ZNF655: variants seen among roughly 807,000 people sequenced by gnomAD.
The protein encoded by ZNF655 is zinc finger protein 655.
A neutral mutation model predicts 6.6 loss-of-function variants in ZNF655; 3 were observed. The ratio of observed to expected loss-of-function variants is 0.46; its 90% CI spans 0.21 to 1.18. The LOEUF (loss-of-function observed/expected upper bound fraction) is 1.18. Ranked by LOEUF, ZNF655 falls within the 50% of genes most tolerant of loss-of-function variation. ZNF655 has a pLI of 0.24. For missense variants in ZNF655, 526 were observed against 572.3 expected, an observed-to-expected ratio of 0.92 and a Z score of 0.83; for synonymous variants, 178 against 195.0, an observed-to-expected ratio of 0.91 and a Z score of 0.73.
rs556227812 is a variant in ZNF655 at position 99,563,875 on chromosome 7, G to A, written c.136+3180G>A. On this transcript the variant is annotated intron_variant, in intron 2 of 2. Coordinates refer to ENST00000252713, the MANE Select transcript of ZNF655 (RefSeq NM_138494.3). Reference sequence around the variant, plus strand: ...TTAATCTTTGTAGGCATACTTCTCCGCCTTCCCACCACCCGGATTCATAGT... The same window carrying A: ...TTAATCTTTGTAGGCATACTTCTCCACCTTCCCACCACCCGGATTCATAGT... The A allele has an allele frequency of 6.3e-6, 10 of 1,596,134 alleles. No homozygotes were observed. The East Asian group carries it at 6.7e-5, about 11-fold the overall frequency.
At chr7:99,562,127 A>C in intron 2 of ZNF655, 2 of 788,008 alleles carry the variant, frequency 2.5e-6, no homozygotes, top group Non-Finnish European at 3.9e-6. Context: ...TGGACTTCAC[A>C]TAAACCAACT....
rs1239411933 is a variant in ZNF655, at chr7:99,576,314, C to T, written c.*2730C>T. On this transcript the variant is annotated 3_prime_UTR_variant, in exon 3 of 3. Coordinates refer to ENST00000252713, the MANE Select transcript of ZNF655 (RefSeq NM_138494.3). ...CATGTATACCCTTATGTATAGAGACCAGTAGTCACGTATGGTGACTGAAAC... is the reference window on the plus strand; with the variant it reads ...CATGTATACCCTTATGTATAGAGACTAGTAGTCACGTATGGTGACTGAAAC... 6.6e-6 allele frequency: 1 copy of T among 152,576 alleles called. No homozygotes were observed. The highest frequency in any genetic ancestry group is 1.5e-5 in the Non-Finnish European group (1 of 68,034). The allele number at this position is 152,576 out of a possible 1,614,324, so 9.5% of individuals were successfully genotyped here.
At position 99,575,530 on chromosome 7, in the gene ZNF655, C is replaced by CT. The variant is rs1351438226; in HGVS notation, c.*1947dup. On this transcript the variant is annotated 3_prime_UTR_variant, in exon 3 of 3. Transcript: ENST00000252713. ...CCAGCCTGGGCGACAGAGCAGGACT[C>CT]TCTCTCAAAAAAACACAAAAAAACA... 1 of 151,858 alleles carries CT rather than the reference C, an allele frequency of 6.6e-6. No homozygotes were observed. The highest frequency in any genetic ancestry group is 1.5e-5 in the Non-Finnish European group (1 of 68,118). 9.4% of individuals were successfully genotyped at this position (151,858 alleles called of 1,614,324 possible). A position where few individuals can be genotyped will look rare whatever the true frequency, so the allele number is the denominator to read the frequency against.
chr7:99,564,664 C>T (rs1242351299), intron 2 of ZNF655: 2 of 984,478 alleles, frequency 2.0e-6, no homozygotes, highest in Non-Finnish European at 2.4e-6. Context: ...TTGTAAAGTA[C>T]TGTTAATTTT....
intron 2 of ZNF655, among the ~76,000 whole-genome samples, chr7:99,567,438 C>T (rs1302800738): frequency 6.6e-6 from 1 of 151,144 alleles, no homozygotes; most frequent in African/African-American, 2.4e-5. Context: ...GAGGCTGAGG[C>T]AGGAGAATCA....
In ZNF655 at chr7:99,573,318, G is replaced by C; in HGVS notation, c.1210G>C (p.Gly404Arg). 6.2e-7 allele frequency: 1 copy of C among 1,614,142 alleles called. No individual in the cohort carries two copies. The highest frequency in any genetic ancestry group is 8.5e-7 in the Non-Finnish European group (1 of 1,180,010). The change falls in exon 3 of 3, where the codon GGA becomes CGA. Residue 404 changes from glycine to arginine, a missense_variant. Gly to Arg is a moderately radical substitution (Grantham distance 125). Transcript: ENST00000252713. The part of the protein sequence containing the change: ...HLIQHQRIHT[G>R]EKAHECNECG... ...TATTCAGCATCAAAGAATTCACACA[G>C]GAGAGAAAGCACATGAATGTAATGA...
Position 99,576,084 on chromosome 7 carries a change from C to G in ZNF655, c.*2500C>G, listed in dbSNP as rs1421047629. ...TATAATATTCAGTAGGGACCCTCAA[C>G]AAATATATAAAAATATGTTGCTCAC... On this transcript the variant is annotated 3_prime_UTR_variant, in exon 3 of 3. Transcript: ENST00000252713. The G allele has an allele frequency of 3.9e-5, 6 of 152,180 alleles. No homozygotes were observed. Among genetic ancestry groups the G allele is most frequent in the South Asian group, 2.1e-4 (1 of 4,834 alleles). 9.4% of individuals were successfully genotyped at this position (152,180 alleles called of 1,614,324 possible).
chr7:99,562,462 T>A (rs1403774796), intron 2 of ZNF655: 14 of 1,613,858 alleles, frequency 8.7e-6, no homozygotes, highest in African/African-American at 1.3e-5. Context: ...AGAGAAGTGA[T>A]GTTAGAGAAT....
chr7:99,568,343 C>G (rs1013306363), intron 2 of ZNF655, among the ~76,000 whole-genome samples: 2 of 149,818 alleles, frequency 1.3e-5, no homozygotes, highest in South Asian at 2.1e-4. Context: ...CTCTGCCTCC[C>G]GGGTTCAAGC....
intron 2 of ZNF655, chr7:99,561,891 C>T: frequency 1.3e-6 from 2 of 1,548,310 alleles, no homozygotes; most frequent in Non-Finnish European, 1.7e-6. Flanking sequence ...CCCTCAGCTC[C>T]ACCTGTTCCT....
chr7:99,560,097 T>C (rs1214995105), intron 1 of ZNF655, among the ~76,000 whole-genome samples: 1 of 151,224 alleles, frequency 6.6e-6, no homozygotes, highest in Non-Finnish European at 1.5e-5. Context: ...TCTTTTTTTT[T>C]TTTTTGGGAC....
chr7:99,570,121 G>T (rs1299787736), intron 2 of ZNF655: 1 of 152,016 alleles, frequency 6.6e-6, no homozygotes, highest in East Asian at 1.9e-4. Flanking sequence ...TTTTTGTTGT[G>T]CATATGTGTT....
At position 99,572,473 on chromosome 7, in the gene ZNF655, C is replaced by T; in HGVS notation, c.365C>T (p.Thr122Ile). 1 of 1,613,858 alleles carries T rather than the reference C, an allele frequency of 6.2e-7. No individual in the cohort carries two copies. The highest frequency in any genetic ancestry group is 8.5e-7 in the Non-Finnish European group (1 of 1,179,924). The change falls in exon 3 of 3, where the codon ACC becomes ATC. Residue 122 changes from threonine (T) to isoleucine (I), a missense_variant. Coordinates refer to ENST00000252713, the MANE Select transcript of ZNF655 (RefSeq NM_138494.3). ...AGGCAAATAACAATCAGCAAGGAAACCTTCACCAGTGAGAAGAACAATGAA... is the reference window on the plus strand; with the variant it reads ...AGGCAAATAACAATCAGCAAGGAAATCTTCACCAGTGAGAAGAACAATGAA... ...EFRQITISKE[T>I]FTSEKNNECH...
At chr7:99,562,531 ATTTCTTTACTTTCTTG>A in intron 2 of ZNF655, 1 of 1,594,702 alleles carries the variant, frequency 6.3e-7, no homozygotes, top group Non-Finnish European at 8.5e-7. Flanking sequence ...ATCTATTTGA[ATTTCTTTACTTTCTTG>A]TTTCTTCCTA....
chr7:99,563,817 A>G, intron 2 of ZNF655: 1 of 1,573,958 alleles, frequency 6.4e-7, no homozygotes, highest in Non-Finnish European at 8.5e-7. Context: ...GCCCACTGGG[A>G]CGGTTTTTAG....
At chr7:99,569,422 A>G (rs1803867694) in intron 2 of ZNF655, among the ~76,000 whole-genome samples, 1 of 152,118 alleles carries the variant, frequency 6.6e-6, no homozygotes, top group African/African-American at 2.4e-5. Flanking sequence ...GTTCACAGTC[A>G]TTATTTATTT....
Position 99,568,732 on chromosome 7 carries a change from A to G in ZNF655, c.137-3513A>G, listed in dbSNP as rs141215628. ...CTTGACCTCTCAAAGTGCTGGGATT[A>G]CACGTGTGAGCCACCATGCCTGGTC... On this transcript the variant is annotated intron_variant, in intron 2 of 2. Transcript: ENST00000252713. 3.0e-3 allele frequency among the ~76,000 whole-genome samples: 456 copies of G among 152,212 alleles called. 3 individuals carry two copies. The highest frequency in any genetic ancestry group is 0.01 in the African/African-American group (435 of 41,538).
rs1254981443 is a variant in ZNF655 at position 99,563,986 on chromosome 7, A to G, written c.136+3291A>G. 6 of 1,613,892 alleles carry G rather than the reference A, an allele frequency of 3.7e-6. No homozygotes were observed. The Admixed American group carries it at 8.3e-5, about 22-fold the overall frequency. ...GCCGTCCTTACAGCAGGAATCTCCA[A>G]GAGATGGCCCAAGTATCGGCTTCCC... On this transcript the variant is annotated intron_variant, in intron 2 of 2. Coordinates refer to ENST00000252713, the MANE Select transcript of ZNF655 (RefSeq NM_138494.3).
intron 2 of ZNF655, chr7:99,571,633 C>A: frequency 1.5e-6 from 2 of 1,333,026 alleles, no homozygotes; most frequent in Non-Finnish European, 1.0e-6. Context: ...GAAAAAGTGG[C>A]AGATGTAGGA....
Sources: allele counts gnomAD v4.1 joint callset (sites outside exome capture counted in the v4.1 genomes callset), GRCh38; gene constraint gnomAD v4.1.1; transcripts MANE v1.5; gene names NCBI Gene and HGNC (gene_info 2026-07-23, HGNC 2026-07-21).